TRDMT1: variants seen among roughly 807,000 people sequenced by gnomAD.
TRDMT1 encodes tRNA aspartic acid methyltransferase 1.
TRDMT1 carries 49 observed loss-of-function variants against 51.2 expected under a neutral mutation model. The ratio of observed to expected loss-of-function variants is 0.96; its 90% CI spans 0.76 to 1.21. The LOEUF (loss-of-function observed/expected upper bound fraction) is 1.21. Ranked by LOEUF, TRDMT1 falls within the 50% of genes most tolerant of loss-of-function variation. The pLI, the probability that TRDMT1 is intolerant of heterozygous loss-of-function variation, is 0.00. For missense variants in TRDMT1, 534 were observed against 462.3 expected (o/e 1.16, Z -1.42); for synonymous variants, 187 against 164.6 (o/e 1.14, Z -1.04).
chr10:17,164,713 T>A (rs1840923930), intron 3 of TRDMT1, among the ~76,000 whole-genome samples: 1 of 152,168 alleles, frequency 6.6e-6, no homozygotes, highest in Non-Finnish European at 1.5e-5. Flanking sequence ...CAAGCATTCT[T>A]ATACACCAAT....
rs1280967967 is a variant in TRDMT1, at chr10:17,142,044, G to T, written c.*6996C>A. On this transcript the variant is annotated 3_prime_UTR_variant, in exon 11 of 11. Coordinates refer to ENST00000377799, the MANE Select transcript of TRDMT1 (RefSeq NM_004412.7). ...TTGTTAACTTCTATTTCTTTGCTGA[G>T]CTTTTCTATTTTTTGTGGCAAGACA... is the stretch of plus-strand genomic sequence containing the variant. 8.5e-6 allele frequency among the ~76,000 whole-genome samples: 1 copy of T among 117,820 alleles called. No homozygotes were observed. The highest frequency in any genetic ancestry group is 8.0e-5 in the Admixed American group (1 of 12,478). 77.3% of individuals were successfully genotyped at this position (117,820 alleles called of 152,430 possible).
intron 10 of TRDMT1, among the ~76,000 whole-genome samples, chr10:17,152,675 G>C (rs1056237809): frequency 1.3e-5 from 2 of 152,138 alleles, no homozygotes; most frequent in Admixed American, 1.3e-4. Flanking sequence ...GAAACCCACA[G>C]CCTCCTCAGA....
chr10:17,145,574 A>G lies in TRDMT1; in HGVS notation c.*3466T>C. 1.0e-6 allele frequency: 1 copy of G among 985,480 alleles called. No homozygotes were observed. Among genetic ancestry groups the G allele is most frequent in the Non-Finnish European group, 1.2e-6 (1 of 829,948 alleles). 61.0% of individuals were successfully genotyped at this position (985,480 alleles called of 1,614,324 possible). A position where few individuals can be genotyped will look rare whatever the true frequency, so the allele number is the denominator to read the frequency against. On this transcript the variant is annotated 3_prime_UTR_variant, in exon 11 of 11. Transcript: ENST00000377799. ...AGTCAGTGTCATAACTGGTGGCCTA[A>G]AACAGTTAGAATCCCAAGCCGAAGG...
chr10:17,151,876 C>A (rs1019878433), intron 10 of TRDMT1: 17 of 1,054,864 alleles, frequency 1.6e-5, no homozygotes, highest in Non-Finnish European at 1.9e-5. Context: ...TGATCATCCT[C>A]ATTTTACAGA....
At position 17,146,197 on chromosome 10, in the gene TRDMT1, G is replaced by A; in HGVS notation, c.*2843C>T. On this transcript the variant is annotated 3_prime_UTR_variant, in exon 11 of 11. Coordinates refer to ENST00000377799, the MANE Select transcript of TRDMT1 (RefSeq NM_004412.7). ...CAAATTTCTAAAAAAGTGCTGGGTG[G>A]ACCCTCACTGTTCACAATTTCAACT... The A allele has an allele frequency of 1.0e-6, 1 of 985,440 alleles. No individual in the cohort carries two copies. 61.0% of individuals were successfully genotyped at this position (985,440 alleles called of 1,614,324 possible). A position where few individuals can be genotyped will look rare whatever the true frequency, so the allele number is the denominator to read the frequency against.
chr10:17,199,569 G>T (rs1845888683), intron 1 of TRDMT1, among the ~76,000 whole-genome samples: 1 of 152,200 alleles, frequency 6.6e-6, no homozygotes, highest in African/African-American at 2.4e-5. Context: ...TGACGGTGAA[G>T]CGGGATGCTG....
chr10:17,176,266 T>C (rs1372856931), intron 1 of TRDMT1, among the ~76,000 whole-genome samples: 1 of 152,222 alleles, frequency 6.6e-6, no homozygotes, highest in African/African-American at 2.4e-5. Flanking sequence ...TGATGTAGCC[T>C]GCTTGTATTT....
Position 17,139,356 on chromosome 10 carries a change from T to C in TRDMT1, c.*9684A>G, listed in dbSNP as rs939286791. Among the ~76,000 whole-genome samples, 4 of 152,098 alleles carry C rather than the reference T, an allele frequency of 2.6e-5. No homozygotes were observed. Among genetic ancestry groups the C allele is most frequent in the Non-Finnish European group, 4.4e-5 (3 of 68,000 alleles). On this transcript the variant is annotated 3_prime_UTR_variant, in exon 11 of 11. Coordinates refer to ENST00000377799, the MANE Select transcript of TRDMT1 (RefSeq NM_004412.7). ...GCATGAATGACAGAAGAAATGTAGG[T>C]GGTAAATAACTGCAAACAACTTATA...
At chr10:17,186,339 T>C (rs1354122161) in intron 1 of TRDMT1, among the ~76,000 whole-genome samples, 2 of 152,100 alleles carry the variant, frequency 1.3e-5, no homozygotes, top group Non-Finnish European at 2.9e-5. Flanking sequence ...GAGGAGATTA[T>C]CCTGAATTAT....
intron 1 of TRDMT1, among the ~76,000 whole-genome samples, chr10:17,186,656 G>A (rs1322581867): frequency 6.6e-6 from 1 of 152,116 alleles, no homozygotes; most frequent in Non-Finnish European, 1.5e-5. Flanking sequence ...CTAAGTTTAT[G>A]TTTGTTACAA....
chr10:17,144,547 G>A lies in TRDMT1; in HGVS notation c.*4493C>T. ...CAGTAAGTGCTGGATGTGGCTGAAAGTAAGACTCAGAATCTATGGTAAATA... is the reference window on the plus strand; with the variant it reads ...CAGTAAGTGCTGGATGTGGCTGAAAATAAGACTCAGAATCTATGGTAAATA... On this transcript the variant is annotated 3_prime_UTR_variant, in exon 11 of 11. Coordinates refer to ENST00000377799, the MANE Select transcript of TRDMT1 (RefSeq NM_004412.7). 3 of 985,792 alleles carry A rather than the reference G, an allele frequency of 3.0e-6. No homozygotes were observed. The highest frequency in any genetic ancestry group is 3.6e-6 in the Non-Finnish European group (3 of 829,934). The allele number at this position is 985,792 out of a possible 1,614,324, so 61.1% of individuals were successfully genotyped here. A position where few individuals can be genotyped will look rare whatever the true frequency, so the allele number is the denominator to read the frequency against.
intron 6 of TRDMT1, among the ~76,000 whole-genome samples, chr10:17,159,763 G>A (rs1468285235): frequency 6.6e-6 from 1 of 152,024 alleles, no homozygotes; most frequent in African/African-American, 2.4e-5. Context: ...GGCTAAAGAT[G>A]ACAAGAAACT....
chr10:17,169,001 A>G (rs2131483648), intron 2 of TRDMT1, 84 bp from the exon 3 acceptor site: 3 of 878,896 alleles, frequency 3.4e-6, no homozygotes, highest in Non-Finnish European at 5.1e-6. Flanking sequence ...CTATAATTAA[A>G]TATATCAGAA....
chr10:17,164,618 A>C (rs1203903864), intron 3 of TRDMT1, among the ~76,000 whole-genome samples: 1 of 152,014 alleles, frequency 6.6e-6, no homozygotes, highest in African/African-American at 2.4e-5. Context: ...ATCTAGAAAA[A>C]CCCATCATCT....
chr10:17,177,623 G>A (rs192364775), intron 1 of TRDMT1, among the ~76,000 whole-genome samples: 2 of 152,174 alleles, frequency 1.3e-5, no homozygotes, highest in East Asian at 3.9e-4. Flanking sequence ...GTTATTTCAA[G>A]AGAGACTTCT....
At chr10:17,180,716 C>T (rs1023305319) in intron 1 of TRDMT1, among the ~76,000 whole-genome samples, 3 of 152,044 alleles carry the variant, frequency 2.0e-5, no homozygotes, top group African/African-American at 7.2e-5. Context: ...GAAATAGTGC[C>T]GTGCTTTTTT....
intron 1 of TRDMT1, among the ~76,000 whole-genome samples, chr10:17,187,736 T>C (rs1167058398): frequency 6.6e-6 from 1 of 152,192 alleles, no homozygotes; most frequent in East Asian, 1.9e-4. Context: ...ATACAAGTTT[T>C]GGTACTGAGA....
In TRDMT1 at chr10:17,153,253, A is replaced by G. The variant is rs1041721920; in HGVS notation, c.1075+254T>C. ...TGTGGAAAGAGGCAAGGAGTTGCCA[A>G]TGTGACCCTTCTAGCCATGCCAACC... is the stretch of plus-strand genomic sequence containing the variant. On this transcript the variant is annotated intron_variant, in intron 10 of 10. Transcript: ENST00000377799. 9.8e-5 allele frequency: 49 copies of G among 498,978 alleles called. 1 individual carries two copies. The East Asian group carries it at 1.2e-3, about 12-fold the overall frequency. 30.9% of individuals were successfully genotyped at this position (498,978 alleles called of 1,614,324 possible). A position where few individuals can be genotyped will look rare whatever the true frequency, so the allele number is the denominator to read the frequency against.
chr10:17,153,667 A>G (rs749977439), intron 9 of TRDMT1, 31 bp from the exon 10 acceptor site: 2 of 1,537,204 alleles, frequency 1.3e-6, no homozygotes, highest in East Asian at 4.5e-5. Flanking sequence ...TAACTAAAAA[A>G]GTAATGTGCA....
Sources: gnomAD v4.1 joint callset for allele counts (sites outside exome capture counted in the v4.1 genomes callset) on GRCh38, gnomAD v4.1.1 for gene constraint, MANE v1.5 for transcripts, NCBI Gene and HGNC (gene_info 2026-07-23, HGNC 2026-07-21) for gene names.